MMUT: variants seen among roughly 807,000 people sequenced by gnomAD.
MMUT encodes methylmalonyl-CoA mutase, mitochondrial.
Under a neutral mutation model 79.9 loss-of-function variants are expected in MMUT, and 79 were observed. The ratio of observed to expected loss-of-function variants is 0.99; its 90% CI spans 0.82 to 1.19. The LOEUF (loss-of-function observed/expected upper bound fraction) is 1.19. Among genes scored for constraint, MMUT ranks in the 50% most tolerant of loss-of-function variants. MMUT has a pLI of 0.00. For synonymous variants in MMUT, 273 were observed against 295.7 expected (o/e 0.92, Z 0.79); for missense variants, 860 against 917.2 (o/e 0.94, Z 0.81).
chr6:49,442,854 T>TCA (rs1223839254), intron 9 of MMUT, among the ~76,000 whole-genome samples: 1 of 151,900 alleles, frequency 6.6e-6, no homozygotes, highest in Non-Finnish European at 1.5e-5. Flanking sequence ...TGGGCAAGAG[T>TCA]CACATCTAGC....
chr6:49,461,115 A>G (rs1767828912), intron 1 of MMUT, among the ~76,000 whole-genome samples: 1 of 152,224 alleles, frequency 6.6e-6, no homozygotes, highest in Admixed American at 6.5e-5. Flanking sequence ...AGTTATCAAA[A>G]TATGTTTAGA....
At chr6:49,448,965 T>C in intron 6 of MMUT, 38 bp from the exon 7 acceptor site, 3 of 1,333,830 alleles carry the variant, frequency 2.2e-6, no homozygotes, top group South Asian at 1.2e-5. Context: ...AAAGAGAATA[T>C]TAAAAATGTG....
chr6:49,433,421 G>T (rs1403105049), intron 12 of MMUT, among the ~76,000 whole-genome samples: 1 of 152,100 alleles, frequency 6.6e-6, no homozygotes, highest in Non-Finnish European at 1.5e-5. Context: ...TTGTGAGGGG[G>T]TTGTATACAG....
At chr6:49,455,887 A>G (rs1328995016) in intron 4 of MMUT, among the ~76,000 whole-genome samples, 193 bp downstream of exon 4, 1 of 152,226 alleles carries the variant, frequency 6.6e-6, no homozygotes, top group Non-Finnish European at 1.5e-5. Flanking sequence ...TCAAATTTAC[A>G]AAGAAGTACA....
intron 11 of MMUT, among the ~76,000 whole-genome samples, chr6:49,439,006 C>CATAT (rs926409292): frequency 2.0e-5 from 3 of 151,282 alleles, no homozygotes; most frequent in Admixed American, 1.3e-4. Context: ...CTCCCCCTTA[C>CATAT]ATATATATAT....
intron 12 of MMUT, 67 bp from the exon 13 acceptor site, chr6:49,431,923 C>T: frequency 6.4e-7 from 1 of 1,554,624 alleles, no homozygotes; most frequent in Non-Finnish European, 8.9e-7. Context: ...AAAACCCTAT[C>T]CTTTCTTCTT....
At chr6:49,435,950 A>G (rs910484111) in intron 11 of MMUT, among the ~76,000 whole-genome samples, 2 of 152,202 alleles carry the variant, frequency 1.3e-5, no homozygotes, top group Non-Finnish European at 2.9e-5. Flanking sequence ...AAAAAACATT[A>G]AAAAGCAGGC....
chr6:49,457,757 A>T lies in MMUT; in HGVS notation c.687T>A (p.Asn229Lys). The part of the protein sequence containing the change: ...NDILKEFMVR[N>K]TYIFPPEPSM... ...ATGGTTCTGGAGGAAAAATGTATGT[A>T]TTTCGAACCATAAATTCCTTTAGTA... Residue 229 changes from asparagine (N) to lysine (K), a missense_variant, in exon 3 of 13, where the codon AAT becomes AAA. Coordinates refer to ENST00000274813, the MANE Select transcript of MMUT (RefSeq NM_000255.4). 2 of 1,612,000 alleles carry T rather than the reference A, an allele frequency of 1.2e-6. No homozygotes were observed. Among genetic ancestry groups the T allele is most frequent in the Non-Finnish European group, 1.7e-6 (2 of 1,178,444 alleles).
rs1480159618 is a variant in MMUT, at chr6:49,444,076, AC to A, written c.1676+562del. Among the ~76,000 whole-genome samples the A allele has an allele frequency of 2.6e-5, 4 of 152,260 alleles. No homozygotes were observed. In the East Asian group the frequency reaches 7.7e-4, roughly 29 times the overall value. On this transcript the variant is annotated intron_variant, in intron 9 of 12. Transcript: ENST00000274813. Reference sequence around the variant, plus strand: ...TACAGTAGAAAATCAAATGCAGTAGACCAAAATGTCAAAAGGAGATAAAAGA... The same window carrying A: ...TACAGTAGAAAATCAAATGCAGTAGACAAAATGTCAAAAGGAGATAAAAGA...
chr6:49,444,272 A>C (rs922063908), intron 9 of MMUT, among the ~76,000 whole-genome samples: 1 of 152,090 alleles, frequency 6.6e-6, no homozygotes, highest in Non-Finnish European at 1.5e-5. Flanking sequence ...TTCTCAGATT[A>C]ATGTTCCCCT....
chr6:49,437,070 AC>A (rs1164380867), intron 11 of MMUT, among the ~76,000 whole-genome samples: 2 of 152,206 alleles, frequency 1.3e-5, no homozygotes, highest in African/African-American at 4.8e-5. Context: ...AGTTAAAAAA[AC>A]AAACAAAAAA....
rs1263465976 is a variant in MMUT at position 49,453,771 on chromosome 6, T to A, written c.912-15A>T. 2 of 1,602,972 alleles carry A rather than the reference T, an allele frequency of 1.2e-6. No homozygotes were observed. Among genetic ancestry groups the A allele is most frequent in the East Asian group, 2.2e-5 (1 of 44,614 alleles). ...AGAAAGACAACCTAAAATAGTAACG[T>A]TAGGTCCAGAATTTAATTAAAGTTA... On this transcript the variant is annotated splice_polypyrimidine_tract_variant and intron_variant, in intron 4 of 12. Transcript: ENST00000274813.
rs2229384 is a variant in MMUT at position 49,457,808 on chromosome 6, C to T, written c.636G>A (p.Lys212=). 977,088 of 1,611,684 alleles carry T rather than the reference C, an allele frequency of 0.61. 299,981 individuals carry two copies. The highest frequency in any genetic ancestry group is 0.64 in the South Asian group (58,488 of 91,002). ...TGEEQGVPKE[K]LTGTIQNDIL... ...TATCATTTTGGATGGTACCAGTAAGCTTCTCTTTAGGTACACCTTGTTCTT... is the reference window on the plus strand; with the variant it reads ...TATCATTTTGGATGGTACCAGTAAGTTTCTCTTTAGGTACACCTTGTTCTT... Residue 212 remains lysine, a synonymous_variant, in exon 3 of 13, where the codon AAG becomes AAA. Coordinates refer to ENST00000274813, the MANE Select transcript of MMUT (RefSeq NM_000255.4).
In MMUT at chr6:49,441,861, TCTTTA is replaced by T. The variant is rs1460837162; in HGVS notation, c.1782_1786del (p.Ser594ArgfsTer11). On this transcript the variant is annotated frameshift_variant, in exon 10 of 13. Transcript: ENST00000274813. LOFTEE classifies it high-confidence loss of function. ...TTACCTCTTGATAGCAGATGTTATC[TCTTTA>T]CTTTCTCCAAATTCCTGGCGATATG... 5.6e-6 allele frequency: 9 copies of T among 1,611,684 alleles called. No homozygotes were observed. Among genetic ancestry groups the T allele is most frequent in the Non-Finnish European group, 7.6e-6 (9 of 1,178,522 alleles).
At chr6:49,452,283 A>C (rs1767573669) in intron 5 of MMUT, among the ~76,000 whole-genome samples, 1 of 151,650 alleles carries the variant, frequency 6.6e-6, no homozygotes, top group African/African-American at 2.4e-5. Flanking sequence ...GTTCCTTCCA[A>C]CCCTAAAAAT....
Position 49,440,335 on chromosome 6 carries a change from T to C in MMUT, c.1827A>G (p.Glu609=). ...SAIKRVHKFM[E]REGRRPRLLV... is the part of the protein sequence containing the mutation. The stretch of plus-strand genomic sequence containing the variant: ...GAAGACGAGGTCTGCGACCTTCACG[T>C]TCCATGAATTTATGAACCCTGAAAA... The change falls in exon 11 of 13, where the codon GAA becomes GAG. Residue 609 remains glutamate, a synonymous_variant. Transcript: ENST00000274813. 1 of 1,614,016 alleles carries C rather than the reference T, an allele frequency of 6.2e-7. No individual in the cohort carries two copies. Among genetic ancestry groups the C allele is most frequent in the South Asian group, 1.1e-5 (1 of 91,084 alleles).
At chr6:49,458,598 T>G (rs1767755187) in intron 2 of MMUT, among the ~76,000 whole-genome samples, 1 of 152,220 alleles carries the variant, frequency 6.6e-6, no homozygotes, top group Non-Finnish European at 1.5e-5. Context: ...CTTATAAATC[T>G]ACAAGTTTAG....
At position 49,451,533 on chromosome 6, in the gene MMUT, G is replaced by A; in HGVS notation, c.1265C>T (p.Ala422Val). Reference sequence around the variant, plus strand: ...CATGTAAGAACCTCCCCAAGGATCAGCCACTTTGGGAATCCCAGATTCTTC... The same window carrying A: ...CATGTAAGAACCTCCCCAAGGATCAACCACTTTGGGAATCCCAGATTCTTC... ...IQEESGIPKV[A>V]DPWGGSYMME... is the part of the protein sequence containing the mutation. Residue 422 changes from alanine to valine, a missense_variant, in exon 6 of 13, where the codon GCT (alanine) becomes GTT (valine). Ala to Val is a moderately conservative substitution (Grantham distance 64, BLOSUM62 0). Transcript: ENST00000274813. 2 of 1,614,056 alleles carry A rather than the reference G, an allele frequency of 1.2e-6. No individual in the cohort carries two copies. The highest frequency in any genetic ancestry group is 2.2e-5 in the South Asian group (2 of 91,078).
rs1201520475 is a variant in MMUT at position 49,453,363 on chromosome 6, G to C, written c.1083+222C>G. ...ACTACAGGGAAGCTAGGATGTAAGT[G>C]ATTTTATATTGTTAACCACCAGAGG... is the stretch of plus-strand genomic sequence containing the variant. On this transcript the variant is annotated intron_variant, in intron 5 of 12. Transcript: ENST00000274813. Among the ~76,000 whole-genome samples, 5 of 151,542 alleles carry C rather than the reference G, an allele frequency of 3.3e-5. No individual in the cohort carries two copies. In the South Asian group the frequency reaches 1.0e-3, roughly 32 times the overall value.
Sources: gnomAD v4.1 joint callset for allele counts (sites outside exome capture counted in the v4.1 genomes callset) on GRCh38, gnomAD v4.1.1 for gene constraint, MANE v1.5 for transcripts, NCBI Gene and HGNC (gene_info 2026-07-23, HGNC 2026-07-21) for gene names.